DCC: variants seen among roughly 807,000 people sequenced by gnomAD.
DCC encodes DCC netrin 1 receptor.
DCC carries 58 observed loss-of-function variants against 172.5 expected under a neutral mutation model. The observed-to-expected ratio is 0.34, with a 90% CI of 0.27 to 0.42. The LOEUF is 0.42. Ranked by LOEUF, DCC falls within the 10% of genes least tolerant of loss-of-function variation. DCC has a pLI of 1.00. For missense variants in DCC, 1,740 were observed against 1,791.0 expected, an observed-to-expected ratio of 0.97 and a Z score of 0.51; for synonymous variants, 709 against 644.5, an observed-to-expected ratio of 1.10 and a Z score of -1.52.
intron 2 of DCC, among the ~76,000 whole-genome samples, chr18:52,811,339 A>G (rs1197986852): frequency 1.3e-5 from 2 of 152,200 alleles, no homozygotes; most frequent in Admixed American, 1.3e-4. Flanking sequence ...GGCGACATTC[A>G]TTAGTTTGTT....
intron 1 of DCC, among the ~76,000 whole-genome samples, chr18:52,361,876 G>A (rs185113149): frequency 6.6e-6 from 1 of 152,316 alleles, no homozygotes; most frequent in Admixed American, 6.5e-5. Context: ...GCTCGTTCAT[G>A]TGGCTTCTAA....
At chr18:53,027,110 T>C (rs552043631) in intron 5 of DCC, among the ~76,000 whole-genome samples, 1 of 152,234 alleles carries the variant, frequency 6.6e-6, no homozygotes, top group South Asian at 2.1e-4. Context: ...CTTTCTCATG[T>C]CTCTTATTCC....
intron 12 of DCC, among the ~76,000 whole-genome samples, chr18:53,223,050 A>C (rs941714750): frequency 3.3e-5 from 5 of 152,136 alleles, no homozygotes; most frequent in African/African-American, 4.8e-5. Context: ...ACATTTATGC[A>C]TAACTAGAAT....
chr18:52,515,346 G>A (rs1627755), intron 1 of DCC, among the ~76,000 whole-genome samples: 36,234 of 151,528 alleles, frequency 0.24, 4,481 homozygotes, highest in African/African-American at 0.29. Flanking sequence ...GGTGGCTCAC[G>A]CCTGTAATCT....
At chr18:52,912,496 A>G (rs1478959038) in intron 3 of DCC, among the ~76,000 whole-genome samples, 2 of 151,998 alleles carry the variant, frequency 1.3e-5, no homozygotes, top group Non-Finnish European at 1.5e-5. Context: ...ACATTTCTGC[A>G]TTTTATTTTC....
intron 2 of DCC, among the ~76,000 whole-genome samples, chr18:52,796,132 T>A (rs1031892846): frequency 6.6e-6 from 1 of 151,298 alleles, no homozygotes; most frequent in African/African-American, 2.4e-5. Context: ...TAAATCTATA[T>A]CGGTCTTTAT....
chr18:53,409,163 GGAA>G (rs1909840946), intron 19 of DCC, among the ~76,000 whole-genome samples: 1 of 152,122 alleles, frequency 6.6e-6, no homozygotes, highest in Admixed American at 6.6e-5. Context: ...TAAGCGGGAA[GGAA>G]GAAGAATCAT....
intron 7 of DCC, among the ~76,000 whole-genome samples, chr18:53,152,886 T>G (rs2054665420): frequency 6.6e-6 from 1 of 152,204 alleles, no homozygotes; most frequent in Non-Finnish European, 1.5e-5. Flanking sequence ...ATAACGCCTG[T>G]TTAAACTGAG....
At chr18:53,199,980 G>C (rs1486928122) in intron 9 of DCC, among the ~76,000 whole-genome samples, 2 of 152,074 alleles carry the variant, frequency 1.3e-5, no homozygotes, top group Non-Finnish European at 2.9e-5. Context: ...CATTTCTCAG[G>C]AAACAAAAAG....
At chr18:53,377,620 A>G (rs1907405584) in intron 15 of DCC, among the ~76,000 whole-genome samples, 1 of 152,188 alleles carries the variant, frequency 6.6e-6, no homozygotes, top group African/African-American at 2.4e-5. Flanking sequence ...AAAAGAGGAC[A>G]CTCATCTATT....
At chr18:52,757,109 C>G (rs767613265) in intron 2 of DCC, 6 of 152,098 alleles carry the variant, frequency 3.9e-5, no homozygotes, top group African/African-American at 1.2e-4. Context: ...TTTTGGCAAG[C>G]AGTGCCCAAA....
At chr18:53,109,797 T>C (rs190466400) in intron 7 of DCC, among the ~76,000 whole-genome samples, 262 of 151,824 alleles carry the variant, frequency 1.7e-3, no homozygotes, top group Non-Finnish European at 2.4e-3. Context: ...GTCCTTTTTT[T>C]TCCTTCCAGT....
intron 1 of DCC, among the ~76,000 whole-genome samples, chr18:52,615,357 A>G (rs893071725): frequency 2.0e-5 from 3 of 152,182 alleles, no homozygotes; most frequent in Admixed American, 1.3e-4. Flanking sequence ...ATTTACTTGT[A>G]TTAATAATTC....
chr18:52,616,196 G>A (rs1046546011), intron 1 of DCC, among the ~76,000 whole-genome samples: 1 of 152,072 alleles, frequency 6.6e-6, no homozygotes, highest in African/African-American at 2.4e-5. Flanking sequence ...ATTCGAACTA[G>A]GATAACACTT....
rs1172719143 is a variant in DCC, at chr18:53,113,287, A to G, written c.1262-44069A>G. Among the ~76,000 whole-genome samples, 3 of 151,468 alleles carry G rather than the reference A, an allele frequency of 2.0e-5. No homozygotes were observed. In the East Asian group the frequency reaches 5.8e-4, roughly 29 times the overall value. ...CTGCTCGGTAAATAAACTATAGAAC[A>G]CGTAAGATTTATTTTTATGTAGTTG... On this transcript the variant is annotated intron_variant, in intron 7 of 28. Transcript: ENST00000442544.
intron 1 of DCC, among the ~76,000 whole-genome samples, chr18:52,345,856 C>T (rs543793471): frequency 6.6e-6 from 1 of 152,302 alleles, no homozygotes; most frequent in African/African-American, 2.4e-5. Context: ...TAACTTGTGG[C>T]CTCTCAGCCA....
chr18:52,398,015 G>A (rs1371248678), intron 1 of DCC, among the ~76,000 whole-genome samples: 1 of 151,942 alleles, frequency 6.6e-6, no homozygotes, highest in Non-Finnish European at 1.5e-5. Flanking sequence ...GGGCTTCAAG[G>A]CCTCATCAAC....
At chr18:52,611,529 T>C (rs1310917431) in intron 1 of DCC, among the ~76,000 whole-genome samples, 1 of 152,212 alleles carries the variant, frequency 6.6e-6, no homozygotes, top group Admixed American at 6.5e-5. Context: ...GACTGGCTGA[T>C]GTATGCAGAG....
chr18:52,557,903 A>C (rs990617693), intron 1 of DCC, among the ~76,000 whole-genome samples: 1 of 152,120 alleles, frequency 6.6e-6, no homozygotes, highest in Non-Finnish European at 1.5e-5. Flanking sequence ...CAAGTGATCC[A>C]CCCTGCCTTG....
Sources: gnomAD v4.1 joint callset for allele counts (sites outside exome capture counted in the v4.1 genomes callset) on GRCh38, gnomAD v4.1.1 for gene constraint, MANE v1.5 for transcripts, NCBI Gene and HGNC (gene_info 2026-07-23, HGNC 2026-07-21) for gene names.